The following MYH8 variants were observed in gnomAD, a reference collection of about 807,000 sequenced individuals.
The protein encoded by MYH8 is myosin heavy chain 8, also known as myosin-8.
MYH8 carries 168 observed loss-of-function variants against 233.2 expected under a neutral mutation model. The ratio of observed to expected loss-of-function variants is 0.72; its 90% CI spans 0.64 to 0.82. The LOEUF (loss-of-function observed/expected upper bound fraction) is 0.82. MYH8 is among the 40% of genes least tolerant of loss of function. MYH8 has a pLI of 0.00. For missense variants in MYH8, 1,995 were observed against 2,327.8 expected (o/e 0.86, Z 2.94); for synonymous variants, 785 against 850.6 (o/e 0.92, Z 1.34).
chr17:10,394,040 A>G (rs1428470545), intron 35 of MYH8, among the ~76,000 whole-genome samples: 3 of 90,410 alleles, frequency 3.3e-5, no homozygotes, highest in African/African-American at 1.5e-4. Flanking sequence ...TAGAAACCCC[A>G]AGAAAGAAAC....
intron 15 of MYH8, among the ~76,000 whole-genome samples, chr17:10,410,520 C>G (rs2072234920): frequency 6.6e-6 from 1 of 152,112 alleles, no homozygotes; most frequent in South Asian, 2.1e-4. Flanking sequence ...CAGAACATCT[C>G]AAATAGAGTT....
At chr17:10,414,528 C>T in intron 9 of MYH8, 44 bp from the exon 10 acceptor site, 2 of 1,262,986 alleles carry the variant, frequency 1.6e-6, no homozygotes, top group Non-Finnish European at 2.3e-6. Flanking sequence ...AGTATCAATG[C>T]TTCTGAGATA....
rs1326789382 is a variant in MYH8 at position 10,395,203 on chromosome 17, T to C, written c.4892A>G (p.Gln1631Arg). The C allele has an allele frequency of 6.2e-7, 1 of 1,614,078 alleles. No homozygotes were observed. The highest frequency in any genetic ancestry group is 8.5e-7 in the Non-Finnish European group (1 of 1,180,038). Residue 1631 changes from glutamine to arginine, a missense_variant, in exon 34 of 40, where the codon CAG becomes CGG. Gln to Arg is a conservative substitution (Grantham distance 43). This residue lies in a region of MYH8 where 1,498 missense variants were observed against 1,680.9 expected (regional missense o/e 0.89). Transcript: ENST00000403437. ...MEGDLNEMEI[Q>R]LNHANRLAAE... ...AGCTAAGCGATTGGCATGGTTCAGCTGGATTTCCATTTCATTCAGATCTCC... is the reference window on the plus strand; with the variant it reads ...AGCTAAGCGATTGGCATGGTTCAGCCGGATTTCCATTTCATTCAGATCTCC...
rs1484451491 is a variant in MYH8 at position 10,404,390 on chromosome 17, T to C, written c.2628A>G (p.Leu876=). The C allele has an allele frequency of 1.2e-6, 2 of 1,614,092 alleles. No homozygotes were observed. The highest frequency in any genetic ancestry group is 1.7e-5 in the Admixed American group (1 of 60,008). ...TTAAGAGAGTGACCATTTTTTCCTC[T>C]AGCTCCTTCCGTTTTGCCTCTGACT... ...LAKSEAKRKE[L]EEKMVTLLKE... Residue 876 remains leucine (L), a synonymous_variant, in exon 22 of 40, where the codon CTA becomes CTG. Transcript: ENST00000403437.
chr17:10,398,630 G>A lies in MYH8; in HGVS notation c.3992C>T (p.Ala1331Val), dbSNP rs751289543. The change falls in exon 30 of 40, where the codon GCC (alanine) becomes GTC (valine). Residue 1331 changes from alanine to valine, a missense_variant. Ala to Val is a moderately conservative substitution (Grantham distance 64). Coordinates refer to ENST00000403437, the MANE Select transcript of MYH8 (RefSeq NM_002472.3). ...GGAGGACTGCAGGGCGTGTGCCAGGGCGTTCTTGGCCTGCAGAAGTAGCAG... is the reference window on the plus strand; with the variant it reads ...GGAGGACTGCAGGGCGTGTGCCAGGACGTTCTTGGCCTGCAGAAGTAGCAG... ...QLEEETKAKN[A>V]LAHALQSSRH... The A allele has an allele frequency of 1.4e-5, 22 of 1,614,176 alleles. No individual in the cohort carries two copies. Among genetic ancestry groups the A allele is most frequent in the South Asian group, 2.2e-5 (2 of 91,080 alleles).
rs1273626653 is a variant in MYH8 at position 10,396,346 on chromosome 17, G to A, written c.4637C>T (p.Ala1546Val). ...AATATGTACCTCTGCTTCCTCTAAA[G>A]CAGCCTGAATTTCACATTTCTCTTG... ...VEQEKCEIQA[A>V]LEEAEASLEH... The change falls in exon 33 of 40, where the codon GCT (alanine) becomes GTT (valine). Residue 1546 changes from alanine (A) to valine (V), a missense_variant. Physicochemically the swap from Ala to Val is moderately conservative, Grantham distance 64 (BLOSUM62 0). Transcript: ENST00000403437. The surrounding 1 kb of genome is among the most constrained non-coding windows in gnomAD (Gnocchi z 4.2). 1 of 1,613,744 alleles carries A rather than the reference G, an allele frequency of 6.2e-7. No homozygotes were observed. Among genetic ancestry groups the A allele is most frequent in the Non-Finnish European group, 8.5e-7 (1 of 1,179,986 alleles).
chr17:10,408,683 C>T (rs2072217119), intron 17 of MYH8, among the ~76,000 whole-genome samples: 5 of 152,108 alleles, frequency 3.3e-5, no homozygotes, highest in Admixed American at 2.0e-4. Context: ...CCTCAGAGGA[C>T]AAAGATATGT....
chr17:10,413,986 G>A lies in MYH8; in HGVS notation c.1063C>T (p.Leu355Phe). Residue 355 changes from leucine (L) to phenylalanine (F), a missense_variant, in exon 12 of 40, where the codon CTC becomes TTC. Leu to Phe is a conservative substitution (Grantham distance 22). Around this residue, in one of 3 missense-constraint regions of MYH8, gnomAD observed 479 missense variants for 600.9 expected, o/e 0.80. Coordinates refer to ENST00000403437, the MANE Select transcript of MYH8 (RefSeq NM_002472.3). ...TPEEKVSIYKLTGAVMHYGNM... is the reference protein window; with the variant it reads ...TPEEKVSIYKFTGAVMHYGNM... ...CCATAATGCATCACAGCCCCTGTGAGTTTATAGATGGACACTTTCTCTTCA... is the reference window on the plus strand; with the variant it reads ...CCATAATGCATCACAGCCCCTGTGAATTTATAGATGGACACTTTCTCTTCA... 6.2e-7 allele frequency: 1 copy of A among 1,614,090 alleles called. No individual in the cohort carries two copies. The highest frequency in any genetic ancestry group is 8.5e-7 in the Non-Finnish European group (1 of 1,180,010).
chr17:10,394,539 C>T, intron 34 of MYH8, 87 bp from the exon 35 acceptor site: 1 of 1,485,230 alleles, frequency 6.7e-7, no homozygotes, highest in East Asian at 2.3e-5. Flanking sequence ...GTACTGGTGA[C>T]AGGAACAGAA....
chr17:10,398,844 G>A lies in MYH8; in HGVS notation c.3905C>T (p.Ser1302Phe), dbSNP rs781047786. 1.9e-6 allele frequency: 3 copies of A among 1,613,726 alleles called. No individual in the cohort carries two copies. The highest frequency in any genetic ancestry group is 1.7e-5 in the Admixed American group (1 of 60,016). ...TGCTTGCTTGCTCCTTGAAAGCTGAGAGACTAAAGCATCTTTCTCATCTAA... is the reference window on the plus strand; with the variant it reads ...TGCTTGCTTGCTCCTTGAAAGCTGAAAGACTAAAGCATCTTTCTCATCTAA... Reference protein sequence around the residue: ...RQLDEKDALVSQLSRSKQAST... With the variant: ...RQLDEKDALVFQLSRSKQAST... Residue 1302 changes from serine to phenylalanine, a missense_variant, in exon 29 of 40, where the codon TCT becomes TTT. Ser to Phe is a radical substitution (Grantham distance 155, BLOSUM62 -2). Coordinates refer to ENST00000403437, the MANE Select transcript of MYH8 (RefSeq NM_002472.3).
At chr17:10,401,824 T>A in intron 22 of MYH8, 39 bp from the exon 23 acceptor site, 1 of 1,613,596 alleles carries the variant, frequency 6.2e-7, no homozygotes, top group Non-Finnish European at 8.5e-7. Context: ...AGTCTGTTAC[T>A]TATTTTGAAA....
chr17:10,409,238 G>A (rs2072221982), intron 16 of MYH8, 41 bp downstream of exon 16: 1 of 1,613,298 alleles, frequency 6.2e-7, no homozygotes, highest in Non-Finnish European at 8.5e-7. Context: ...ATAACATTAT[G>A]TGAGAATGGA....
intron 38 of MYH8, 89 bp from the exon 39 acceptor site, chr17:10,392,066 G>C (rs2072031043): frequency 9.5e-7 from 1 of 1,050,720 alleles, no homozygotes; most frequent in Non-Finnish European, 1.5e-6. Flanking sequence ...CATGATGGCA[G>C]GTGGGCCTGG....
rs1454244647 is a variant in MYH8 at position 10,397,122 on chromosome 17, C to T, written c.4179-136G>A. The T allele has an allele frequency of 4.4e-5, 49 of 1,110,006 alleles. No individual in the cohort carries two copies. The South Asian group carries it at 6.5e-4, about 15-fold the overall frequency. The allele number at this position is 1,110,006 out of a possible 1,614,324, so 68.8% of individuals were successfully genotyped here. ...TTTGAGAGACGGAGTCTCGCTCTGTCGCCCATGCTGGAGTGCAGTGGTGCA... is the reference window on the plus strand; with the variant it reads ...TTTGAGAGACGGAGTCTCGCTCTGTTGCCCATGCTGGAGTGCAGTGGTGCA... On this transcript the variant is annotated intron_variant, in intron 30 of 39. Coordinates refer to ENST00000403437, the MANE Select transcript of MYH8 (RefSeq NM_002472.3).
intron 22 of MYH8, among the ~76,000 whole-genome samples, chr17:10,402,515 T>C (rs1300208097): frequency 6.6e-6 from 1 of 152,158 alleles, no homozygotes; most frequent in African/African-American, 2.4e-5. Context: ...AATAGCTGTA[T>C]GAATAATACA....
intron 15 of MYH8, 89 bp from the exon 16 acceptor site, chr17:10,409,677 C>A (rs893190506): frequency 6.6e-7 from 1 of 1,521,680 alleles, no homozygotes; most frequent in African/African-American, 1.4e-5. Context: ...ATTATGAGCA[C>A]CCCAATTAAA....
intron 38 of MYH8, among the ~76,000 whole-genome samples, chr17:10,392,261 G>A (rs897101988): frequency 3.9e-5 from 6 of 152,108 alleles, no homozygotes; most frequent in African/African-American, 1.5e-4. Context: ...GGTTTAGAGT[G>A]TTAAGTTCAA....
Position 10,414,195 on chromosome 17 carries a change from A to T in MYH8, c.1005T>A (p.Thr335=). The part of the protein sequence containing the change: ...SIDDQEELMA[T]DSAIDILGFT... ...AAAATTAGTGTTTTTGACTTACATC[A>T]GTGGCCATCAACTCTTCTTGGTCAT... Residue 335 remains threonine, a synonymous_variant, in exon 11 of 40, where the codon ACT becomes ACA. Transcript: ENST00000403437. 1 of 1,613,762 alleles carries T rather than the reference A, an allele frequency of 6.2e-7. No homozygotes were observed.
At chr17:10,405,889 G>T (rs2072187820) in intron 21 of MYH8, 152 bp downstream of exon 21, 2 of 908,130 alleles carry the variant, frequency 2.2e-6, no homozygotes, top group Non-Finnish European at 3.5e-6. Flanking sequence ...CCAAGTGTGA[G>T]AGCTGAAGCA....
Sources: allele counts gnomAD v4.1 joint callset (sites outside exome capture counted in the v4.1 genomes callset), GRCh38; gene constraint gnomAD v4.1.1; regional missense constraint gnomAD v4.1.1; non-coding constraint Gnocchi (gnomAD v3.1); transcripts MANE v1.5; gene names NCBI Gene and HGNC (gene_info 2026-07-23, HGNC 2026-07-21).